COP1: variants seen among roughly 807,000 people sequenced by gnomAD.
COP1 encodes E3 ubiquitin-protein ligase COP1.
In COP1, 24 loss-of-function variants were observed where a neutral mutation model predicts 101.3. That is an observed-to-expected ratio of 0.24 (90% CI 0.17 to 0.33). COP1 has a LOEUF of 0.33. Among genes scored for constraint, COP1 ranks in the 10% least tolerant of loss-of-function variants. The pLI, the probability that COP1 is intolerant of heterozygous loss-of-function variation, is 1.00. For missense variants in COP1, 663 were observed against 906.2 expected (o/e 0.73, Z 3.45); for synonymous variants, 347 against 341.9 (o/e 1.01, Z -0.17).
chr1:176,151,538 T>G (rs749953814), intron 5 of COP1, among the ~76,000 whole-genome samples: 13 of 152,240 alleles, frequency 8.5e-5, no homozygotes, highest in East Asian at 1.9e-4. Context: ...CTATGTGACA[T>G]GAAATATGCT....
intron 14 of COP1, among the ~76,000 whole-genome samples, chr1:176,031,119 T>C (rs1163208598): frequency 1.3e-5 from 2 of 152,276 alleles, no homozygotes; most frequent in East Asian, 1.9e-4. Flanking sequence ...CTGCCAACAA[T>C]CTAATTTTGG....
intron 5 of COP1, among the ~76,000 whole-genome samples, chr1:176,152,736 A>C (rs1256154550): frequency 1.3e-5 from 2 of 152,150 alleles, no homozygotes; most frequent in African/African-American, 4.8e-5. Context: ...CACTGTGCCC[A>C]GCTTAAAATT....
In COP1 at chr1:175,961,100, A is replaced by C. The variant is rs138086992; in HGVS notation, c.2134-13861T>G. 6.2e-3 allele frequency among the ~76,000 whole-genome samples: 945 copies of C among 152,326 alleles called. 14 individuals carry two copies. The highest frequency in any genetic ancestry group is 0.021 in the African/African-American group (892 of 41,592). On this transcript the variant is annotated intron_variant, in intron 18 of 19. Transcript: ENST00000367669. The stretch of plus-strand genomic sequence containing the variant: ...CCAGCTTTTGGACTCTGGGACTTGC[A>C]TCAATGGGCCCTCAAATTCTCAGGC...
At chr1:176,083,610 T>C (rs1214676716) in intron 10 of COP1, among the ~76,000 whole-genome samples, 1 of 152,212 alleles carries the variant, frequency 6.6e-6, no homozygotes, top group Non-Finnish European at 1.5e-5. Context: ...TTTCTCCTAG[T>C]GCTTTATAAT....
At chr1:176,190,347 T>C (rs909598439) in intron 1 of COP1, among the ~76,000 whole-genome samples, 11 of 152,082 alleles carry the variant, frequency 7.2e-5, no homozygotes, top group African/African-American at 2.4e-4. Context: ...TTAGGGACAC[T>C]CAACCTGTAT....
chr1:175,961,163 G>T (rs1469845839), intron 18 of COP1, among the ~76,000 whole-genome samples: 1 of 152,118 alleles, frequency 6.6e-6, no homozygotes, highest in Non-Finnish European at 1.5e-5. Flanking sequence ...TGGCCTCCCT[G>T]GCATATCATG....
At chr1:176,118,670 C>G (rs911683244) in intron 8 of COP1, among the ~76,000 whole-genome samples, 1 of 152,088 alleles carries the variant, frequency 6.6e-6, no homozygotes, top group Non-Finnish European at 1.5e-5. Context: ...GTAGGAAGAT[C>G]ACTTAATCTC....
intron 11 of COP1, among the ~76,000 whole-genome samples, chr1:176,071,523 T>C (rs951069626): frequency 6.6e-6 from 1 of 152,188 alleles, no homozygotes; most frequent in Non-Finnish European, 1.5e-5. Flanking sequence ...TGAATAGGTA[T>C]GATTTTGAAA....
chr1:176,005,210 A>AT (rs1173703480), intron 15 of COP1, among the ~76,000 whole-genome samples: 1 of 152,032 alleles, frequency 6.6e-6, no homozygotes, highest in Non-Finnish European at 1.5e-5. Flanking sequence ...CCCGTTTATC[A>AT]TTTTTTATTG....
chr1:176,080,516 A>C (rs1392993987), intron 11 of COP1, among the ~76,000 whole-genome samples: 3 of 152,170 alleles, frequency 2.0e-5, no homozygotes, highest in African/African-American at 7.2e-5. Context: ...ATAATCTTCT[A>C]AGCTAGACTC....
At chr1:176,080,647 T>C (rs1678948158) in intron 11 of COP1, among the ~76,000 whole-genome samples, 2 of 152,160 alleles carry the variant, frequency 1.3e-5, no homozygotes, top group Non-Finnish European at 2.9e-5. Context: ...TGTACGCCAA[T>C]AAGTTCAACA....
chr1:176,187,745 C>T (rs868757322), intron 1 of COP1, among the ~76,000 whole-genome samples: 3 of 152,078 alleles, frequency 2.0e-5, no homozygotes, highest in Non-Finnish European at 4.4e-5. Flanking sequence ...ATCTATGAGG[C>T]GCTCAATACA....
chr1:176,092,411 C>T (rs1013453681), intron 9 of COP1, among the ~76,000 whole-genome samples: 3 of 152,068 alleles, frequency 2.0e-5, no homozygotes, highest in Admixed American at 2.0e-4. Flanking sequence ...TTAAGAACTT[C>T]TGTTCACCAA....
At position 176,043,544 on chromosome 1, in the gene COP1, T is replaced by A. The variant is rs113197099; in HGVS notation, c.1530+166A>T. Among the ~76,000 whole-genome samples the A allele has an allele frequency of 2.6e-3, 400 of 152,040 alleles. 3 individuals carry two copies. Among genetic ancestry groups the A allele is most frequent in the African/African-American group, 9.2e-3 (382 of 41,446 alleles). ...TTGGAAAAGCATATGGTACCAAAAG[T>A]GGGAGACAGGAAAAAAAAGCATTTG... On this transcript the variant is annotated intron_variant, in intron 13 of 19. Transcript: ENST00000367669.
At chr1:175,971,248 C>T (rs1408864475) in intron 18 of COP1, among the ~76,000 whole-genome samples, 1 of 152,068 alleles carries the variant, frequency 6.6e-6, no homozygotes, top group Non-Finnish European at 1.5e-5. Context: ...TTGTACAGAA[C>T]ATATTCTCCA....
At chr1:176,120,172 C>T (rs1686877239) in intron 8 of COP1, among the ~76,000 whole-genome samples, 1 of 151,982 alleles carries the variant, frequency 6.6e-6, no homozygotes, top group African/African-American at 2.4e-5. Flanking sequence ...AAAAGTTATA[C>T]TAGCTTAAGA....
rs1340235331 is a variant in COP1 at position 176,116,620 on chromosome 1, T to A, written c.1026+4A>T. On this transcript the variant is annotated splice_donor_region_variant and intron_variant, in intron 9 of 19. Transcript: ENST00000367669. ...TCATTAAAGCAAACAAAGATATCGT[T>A]TACCTGAGAACTGCCACTGAAACCT... is the stretch of plus-strand genomic sequence containing the variant. The A allele has an allele frequency of 6.2e-7, 1 of 1,604,272 alleles. No homozygotes were observed. The highest frequency in any genetic ancestry group is 1.1e-5 in the South Asian group (1 of 90,548).
chr1:175,959,545 TA>T lies in COP1; in HGVS notation c.2134-12307del, dbSNP rs564157262. ...TTTGTGGATGAATTAATTGTGTGCA[TA>T]AAAAAATCCAAGGAACGTAGAAATG... On this transcript the variant is annotated intron_variant, in intron 18 of 19. Coordinates refer to ENST00000367669, the MANE Select transcript of COP1 (RefSeq NM_022457.7). 2.6e-3 allele frequency among the ~76,000 whole-genome samples: 400 copies of T among 152,112 alleles called. 3 individuals carry two copies. The highest frequency in any genetic ancestry group is 9.2e-3 in the African/African-American group (381 of 41,548).
At chr1:176,097,176 G>T (rs1682545985) in intron 9 of COP1, among the ~76,000 whole-genome samples, 1 of 152,052 alleles carries the variant, frequency 6.6e-6, no homozygotes, top group Admixed American at 6.6e-5. Context: ...CCAAGTTGTA[G>T]GCATAGGTAA....
Sources: gnomAD v4.1 joint callset for allele counts (sites outside exome capture counted in the v4.1 genomes callset) on GRCh38, gnomAD v4.1.1 for gene constraint, MANE v1.5 for transcripts, NCBI Gene and HGNC (gene_info 2026-07-23, HGNC 2026-07-21) for gene names.